RASAL1: variants seen among roughly 807,000 people sequenced by gnomAD.
RASAL1 encodes the protein rasGAP-activating-like protein 1.
In RASAL1, 72 loss-of-function variants were observed where a neutral mutation model predicts 96.6. The ratio of observed to expected loss-of-function variants is 0.75; its 90% CI spans 0.62 to 0.91. RASAL1 has a LOEUF of 0.91. RASAL1 is among the 40% of genes least tolerant of loss of function. The pLI is 0.00. For synonymous variants in RASAL1, 405 were observed against 430.4 expected, an observed-to-expected ratio of 0.94 and a Z score of 0.73; for missense variants, 1,016 against 1,072.5, an observed-to-expected ratio of 0.95 and a Z score of 0.74.
rs914048739 is a variant in RASAL1 at position 113,130,468 on chromosome 12, C to G, written c.122+417G>C. Reference sequence around the variant, plus strand: ...CTCACACTAGCCCCGCAACATCCCCCACCCCCTGCAACTCACAAGCAGGCC... The same window carrying G: ...CTCACACTAGCCCCGCAACATCCCCGACCCCCTGCAACTCACAAGCAGGCC... On this transcript the variant is annotated intron_variant, in intron 2 of 20. Transcript: ENST00000548055. This position sits in a 1 kb window ranked among gnomAD's most constrained non-coding sequence, Gnocchi z 5.1. 1.3e-5 allele frequency among the ~76,000 whole-genome samples: 2 copies of G among 152,202 alleles called. No homozygotes were observed. The highest frequency in any genetic ancestry group is 2.9e-5 in the Non-Finnish European group (2 of 68,020).
chr12:113,102,941 T>A (rs914783893), intron 18 of RASAL1: 1 of 168,880 alleles, frequency 5.9e-6, no homozygotes, highest in African/African-American at 2.4e-5. Context: ...CTTACCCCCA[T>A]CTCCCAGTTC....
Position 113,104,850 on chromosome 12 carries a change from T to C in RASAL1, c.1831-552A>G, listed in dbSNP as rs192469451. On this transcript the variant is annotated intron_variant, in intron 16 of 20. Coordinates refer to ENST00000548055, the MANE Select transcript of RASAL1 (RefSeq NM_001301202.2). ...TGGGCATCCATTTCCTTGTTAATAATAACTACCACTTCTATGGTACTTGGG... is the reference window on the plus strand; with the variant it reads ...TGGGCATCCATTTCCTTGTTAATAACAACTACCACTTCTATGGTACTTGGG... Among the ~76,000 whole-genome samples, 385 of 152,362 alleles carry C rather than the reference T, an allele frequency of 2.5e-3. 4 individuals are homozygous for C. Among genetic ancestry groups the C allele is most frequent in the Non-Finnish European group, 4.2e-3 (286 of 68,038 alleles).
chr12:113,128,556 A>G (rs1293378266), intron 2 of RASAL1, among the ~76,000 whole-genome samples: 1 of 151,852 alleles, frequency 6.6e-6, no homozygotes, highest in Non-Finnish European at 1.5e-5. Flanking sequence ...ACACACCCAC[A>G]TACAGGGCCC....
chr12:113,101,108 T>C (rs1284661459), intron 19 of RASAL1, among the ~76,000 whole-genome samples: 1 of 152,180 alleles, frequency 6.6e-6, no homozygotes, highest in Non-Finnish European at 1.5e-5. Context: ...ACCATTATTA[T>C]CCCCCTTTTC....
chr12:113,104,280 C>A lies in RASAL1; in HGVS notation c.1849G>T (p.Val617Leu), dbSNP rs866715063. 4 of 1,575,788 alleles carry A rather than the reference C, an allele frequency of 2.5e-6. No homozygotes were observed. Among genetic ancestry groups the A allele is most frequent in the Non-Finnish European group, 3.4e-6 (4 of 1,160,902 alleles). ...CGCTCCACGGCGCGGATGTGAGACA[C>A]GGGGATGGAGTGACACATCTGGGGA... ...PEWQMCHSIPVSHIRAVERVD... is the reference protein window; with the variant it reads ...PEWQMCHSIPLSHIRAVERVD... The change falls in exon 17 of 21, where the codon GTG becomes TTG. Residue 617 changes from valine to leucine, a missense_variant. Coordinates refer to ENST00000548055, the MANE Select transcript of RASAL1 (RefSeq NM_001301202.2).
intron 19 of RASAL1, 119 bp from the exon 20 acceptor site, chr12:113,100,799 T>TC: frequency 2.7e-6 from 2 of 733,682 alleles, no homozygotes; most frequent in East Asian, 6.0e-5. Context: ...TCTACCATCA[T>TC]CATCATCATC....
intron 4 of RASAL1, among the ~76,000 whole-genome samples, chr12:113,124,407 T>A (rs1951410573): frequency 6.6e-6 from 1 of 152,168 alleles, no homozygotes; most frequent in Admixed American, 6.5e-5. Flanking sequence ...CGCCACATGC[T>A]TGCAGACACA....
intron 13 of RASAL1, among the ~76,000 whole-genome samples, chr12:113,111,037 C>A (rs1950847750): frequency 6.6e-6 from 1 of 152,216 alleles, no homozygotes; most frequent in African/African-American, 2.4e-5. Flanking sequence ...CCCCTTTAGA[C>A]AAGATCTGGG....
chr12:113,117,727 G>GC (rs1204391631), intron 7 of RASAL1, among the ~76,000 whole-genome samples: 5 of 152,070 alleles, frequency 3.3e-5, no homozygotes, highest in Non-Finnish European at 5.9e-5. Flanking sequence ...GTCACTTCGT[G>GC]CCCCCCAGCC....
intron 18 of RASAL1, chr12:113,103,744 C>G: frequency 1.4e-6 from 1 of 723,330 alleles, no homozygotes; most frequent in Non-Finnish European, 2.3e-6. Context: ...GTCCTATGCT[C>G]TTTGTGTAAA....
At chr12:113,106,514 T>G (rs1260143184) in intron 15 of RASAL1, among the ~76,000 whole-genome samples, 1 of 152,208 alleles carries the variant, frequency 6.6e-6, no homozygotes. Context: ...AGTTCACTCT[T>G]CTTCACGGGT....
chr12:113,105,416 C>G (rs775437148), intron 16 of RASAL1, among the ~76,000 whole-genome samples: 5 of 152,248 alleles, frequency 3.3e-5, no homozygotes, highest in African/African-American at 4.8e-5. Context: ...CTGGTGGGAG[C>G]ATTGGAGAGA....
chr12:113,101,961 C>G lies in RASAL1; in HGVS notation c.2153G>C (p.Ser718Thr), dbSNP rs768938790. 6.2e-7 allele frequency: 1 copy of G among 1,614,170 alleles called. No individual in the cohort carries two copies. Among genetic ancestry groups the G allele is most frequent in the South Asian group, 1.1e-5 (1 of 91,082 alleles). Residue 718 changes from serine to threonine, a missense_variant, in exon 19 of 21, where the codon AGT (serine) becomes ACT (threonine). Transcript: ENST00000548055. ...CTCAGCATCAGGATCCAGTGGGTCA[C>G]TCCAGTCCCCCAGGGTGACAGCTGA... ...THSAVTLGDWSDPLDPDAEAQ... is the reference protein window; with the variant it reads ...THSAVTLGDWTDPLDPDAEAQ...
At chr12:113,114,764 C>G in intron 12 of RASAL1, 36 bp downstream of exon 12, 1 of 1,569,988 alleles carries the variant, frequency 6.4e-7, no homozygotes. Flanking sequence ...GCCAAAGGGG[C>G]CCGTCGGAAG....
At chr12:113,120,603 AG>A (rs1264314607) in intron 5 of RASAL1, among the ~76,000 whole-genome samples, 1 of 152,086 alleles carries the variant, frequency 6.6e-6, no homozygotes. Context: ...ACAGGATGAG[AG>A]AGGAGTGGGG....
At chr12:113,105,526 A>G (rs1395522514) in intron 16 of RASAL1, among the ~76,000 whole-genome samples, 188 bp downstream of exon 16, 1 of 152,250 alleles carries the variant, frequency 6.6e-6, no homozygotes, top group African/African-American at 2.4e-5. Flanking sequence ...GTGCCTGTCC[A>G]TGTCCTGTGC....
rs529589033 is a variant in RASAL1 at position 113,104,754 on chromosome 12, G to A, written c.1831-456C>T. Among the ~76,000 whole-genome samples, 4 of 152,128 alleles carry A rather than the reference G, an allele frequency of 2.6e-5. No homozygotes were observed. The South Asian group carries it at 8.3e-4, about 32-fold the overall frequency. Reference sequence around the variant, plus strand: ...TGGCCTCAAGTGATCTGCCCACCCCGGCCTCCCAAAGTGCTGGGATTACAG... The same window carrying A: ...TGGCCTCAAGTGATCTGCCCACCCCAGCCTCCCAAAGTGCTGGGATTACAG... On this transcript the variant is annotated intron_variant, in intron 16 of 20. Coordinates refer to ENST00000548055, the MANE Select transcript of RASAL1 (RefSeq NM_001301202.2).
Position 113,115,212 on chromosome 12 carries a change from T to C in RASAL1, c.1056A>G (p.Glu352=). The C allele has an allele frequency of 6.2e-7, 1 of 1,613,612 alleles. No homozygotes were observed. Among genetic ancestry groups the C allele is most frequent in the Non-Finnish European group, 8.5e-7 (1 of 1,179,520 alleles). Residue 352 remains glutamate, a synonymous_variant, in exon 11 of 21, where the codon GAA becomes GAG. Coordinates refer to ENST00000548055, the MANE Select transcript of RASAL1 (RefSeq NM_001301202.2). The surrounding 1 kb of genome is among the most constrained non-coding windows in gnomAD (Gnocchi z 4.1). ...TTCACCTACTCACCTTCATAAACTGTTCCATCGACTTGGATGCCAGGGAGT... is the reference window on the plus strand; with the variant it reads ...TTCACCTACTCACCTTCATAAACTGCTCCATCGACTTGGATGCCAGGGAGT... ...RSNSLASKSM[E]QFMKLVGMPY...
Position 113,130,016 on chromosome 12 carries a change from G to A in RASAL1, c.122+869C>T, listed in dbSNP as rs562584127. On this transcript the variant is annotated intron_variant, in intron 2 of 20. Coordinates refer to ENST00000548055, the MANE Select transcript of RASAL1 (RefSeq NM_001301202.2). This position sits in a 1 kb window ranked among gnomAD's most constrained non-coding sequence, Gnocchi z 5.1. ...GGACAGTGGAGGGGAGTCAGTGGAG[G>A]GGGGAGCTACAGCTGACCCCTCCCC... Among the ~76,000 whole-genome samples the A allele has an allele frequency of 1.3e-5, 2 of 152,082 alleles. No homozygotes were observed. The highest frequency in any genetic ancestry group is 2.9e-5 in the Non-Finnish European group (2 of 67,986).
Sources: gnomAD v4.1 joint callset for allele counts (sites outside exome capture counted in the v4.1 genomes callset) on GRCh38, gnomAD v4.1.1 for gene constraint, Gnocchi (gnomAD v3.1) non-coding constraint, MANE v1.5 for transcripts, NCBI Gene and HGNC (gene_info 2026-07-23, HGNC 2026-07-21) for gene names.